The following NFIA variants were observed in gnomAD, a reference collection of about 807,000 sequenced individuals.
NFIA encodes the protein nuclear factor 1 A-type.
A neutral mutation model predicts 62.8 loss-of-function variants in NFIA; 8 were observed. The ratio of observed to expected loss-of-function variants is 0.13; its 90% CI spans 0.07 to 0.23. The LOEUF is 0.23. Among genes scored for constraint, NFIA ranks in the 10% least tolerant of loss-of-function variants. NFIA has a pLI of 1.00. For missense variants in NFIA, 410 were observed against 642.1 expected (o/e 0.64, Z 3.91); for synonymous variants, 235 against 238.1 (o/e 0.99, Z 0.12).
intron 10 of NFIA, among the ~76,000 whole-genome samples, chr1:61,443,790 C>T (rs1667690797): frequency 6.6e-6 from 1 of 152,110 alleles, no homozygotes; most frequent in Admixed American, 6.5e-5. Context: ...TCCATTTCTG[C>T]CCATGAAGAT....
At position 61,368,238 on chromosome 1, in the gene NFIA, A is replaced by G. The variant is rs187309222; in HGVS notation, c.946+8964A>G. ...GAGATGCAGTGTATACATTAGGTTT[A>G]TATGTGAAATCCTCCTCCCTGTGCC... is the stretch of plus-strand genomic sequence containing the variant. On this transcript the variant is annotated intron_variant, in intron 6 of 10. Transcript: ENST00000403491. Among the ~76,000 whole-genome samples the G allele has an allele frequency of 2.0e-5, 3 of 152,314 alleles. No homozygotes were observed. The East Asian group carries it at 5.8e-4, about 29-fold the overall frequency.
upstream of NFIA, among the ~76,000 whole-genome samples, chr1:61,079,229 A>C (rs562166589): frequency 1.4e-4 from 21 of 152,234 alleles, no homozygotes; most frequent in Non-Finnish European, 2.2e-4. Context: ...ATGCCAGTTA[A>C]TAAAGTTAGT....
At chr1:61,217,520 G>A (rs1055610042) in intron 2 of NFIA, among the ~76,000 whole-genome samples, 1 of 152,140 alleles carries the variant, frequency 6.6e-6, no homozygotes. Context: ...TGTGCTTCCA[G>A]AGCTGCTCAG....
intron 2 of NFIA, among the ~76,000 whole-genome samples, chr1:61,225,299 G>A (rs1288095536): frequency 1.3e-5 from 2 of 151,396 alleles, no homozygotes; most frequent in Non-Finnish European, 2.9e-5. Flanking sequence ...TTGCCAGGCT[G>A]GAGTGCAGTG....
intron 2 of NFIA, among the ~76,000 whole-genome samples, chr1:61,148,329 C>G (rs1648155996): frequency 6.6e-6 from 1 of 152,180 alleles, no homozygotes; most frequent in Admixed American, 6.5e-5. Flanking sequence ...ACTCCACATT[C>G]TTTCCGGCCT....
At chr1:61,180,578 T>C (rs1451776596) in intron 2 of NFIA, among the ~76,000 whole-genome samples, 1 of 152,190 alleles carries the variant, frequency 6.6e-6, no homozygotes, top group Admixed American at 6.5e-5. Context: ...AATATATTGA[T>C]GATAAGAATG....
intron 7 of NFIA, among the ~76,000 whole-genome samples, chr1:61,403,236 A>G (rs576871509): frequency 1.8e-4 from 27 of 152,318 alleles, no homozygotes; most frequent in African/African-American, 6.3e-4. Context: ...CAACCTTCCC[A>G]TGCACTGCTC....
chr1:61,462,152 C>T lies in NFIA; in HGVS notation c.*6832C>T, dbSNP rs1424395262. The T allele has an allele frequency of 6.6e-6, 1 of 150,454 alleles. No homozygotes were observed. The highest frequency in any genetic ancestry group is 1.5e-5 in the Non-Finnish European group (1 of 67,786). 9.3% of individuals were successfully genotyped at this position (150,454 alleles called of 1,614,324 possible). On this transcript the variant is annotated 3_prime_UTR_variant, in exon 11 of 11. Transcript: ENST00000403491. Reference sequence around the variant, plus strand: ...GAGAGAACTAACGGCTCGGTGCCTTCTCCCTGGTCTCAGACCATCGTCTCT... The same window carrying T: ...GAGAGAACTAACGGCTCGGTGCCTTTTCCCTGGTCTCAGACCATCGTCTCT...
At chr1:61,424,477 G>A (rs1666777074) in intron 9 of NFIA, among the ~76,000 whole-genome samples, 1 of 152,066 alleles carries the variant, frequency 6.6e-6, no homozygotes, top group Admixed American at 6.5e-5. Flanking sequence ...AGTGCACACT[G>A]TTCTATCAGG....
intron 1 of NFIA, among the ~76,000 whole-genome samples, chr1:61,083,725 C>T (rs1346246679): frequency 6.6e-6 from 1 of 151,394 alleles, no homozygotes; most frequent in East Asian, 1.9e-4. Flanking sequence ...AGCCGGGAGC[C>T]GGAGCGGCGG....
chr1:61,214,019 G>C (rs1165173817), intron 2 of NFIA, among the ~76,000 whole-genome samples: 3 of 152,196 alleles, frequency 2.0e-5, no homozygotes, highest in African/African-American at 7.2e-5. Context: ...AGTTTCGTCG[G>C]AAGTATAGGA....
intron 3 of NFIA, among the ~76,000 whole-genome samples, chr1:61,321,172 G>GAT (rs1244257733): frequency 1.1e-3 from 163 of 152,144 alleles, no homozygotes; most frequent in African/African-American, 3.7e-3. Flanking sequence ...AATTACAGAA[G>GAT]ACCTTAGCTT....
At chr1:61,406,955 A>G (rs1290619484) in intron 9 of NFIA, among the ~76,000 whole-genome samples, 1 of 152,154 alleles carries the variant, frequency 6.6e-6, no homozygotes, top group Non-Finnish European at 1.5e-5. Flanking sequence ...GTAGCTACAT[A>G]CCTAGGACTG....
intron 7 of NFIA, among the ~76,000 whole-genome samples, chr1:61,402,033 C>CTTTTT (rs10636290): frequency 0.015 from 1,398 of 94,536 alleles, 87 homozygotes; most frequent in Middle Eastern, 0.017. Context: ...ACTCATTTTT[C>CTTTTT]TTTTTTTTTT....
At chr1:61,407,076 C>T (rs1189755155) in intron 9 of NFIA, among the ~76,000 whole-genome samples, 3 of 152,226 alleles carry the variant, frequency 2.0e-5, no homozygotes, top group Non-Finnish European at 4.4e-5. Flanking sequence ...AAAAGTTCCT[C>T]ATTCTTACAG....
intron 5 of NFIA, among the ~76,000 whole-genome samples, chr1:61,358,841 T>C (rs2100442805): frequency 1.8e-5 from 1 of 56,616 alleles, no homozygotes; most frequent in East Asian, 2.2e-3. Context: ...CTCCCAACAC[T>C]TCCAGGTGGA....
At chr1:61,286,808 G>A (rs1021602921) in intron 3 of NFIA, among the ~76,000 whole-genome samples, 1 of 152,206 alleles carries the variant, frequency 6.6e-6, no homozygotes. Flanking sequence ...ATAAAGGGTG[G>A]TAAAGGAAGG....
chr1:61,360,266 G>A (rs1663215424), intron 6 of NFIA, among the ~76,000 whole-genome samples: 1 of 152,120 alleles, frequency 6.6e-6, no homozygotes, highest in African/African-American at 2.4e-5. Context: ...TCTAACACGT[G>A]GTTTAGAGGG....
intron 2 of NFIA, among the ~76,000 whole-genome samples, chr1:61,205,724 C>T (rs547291122): frequency 3.8e-4 from 58 of 152,134 alleles, no homozygotes; most frequent in South Asian, 2.3e-3. Flanking sequence ...GGTTATCCAA[C>T]GAGACAGGAC....
Sources: allele counts gnomAD v4.1 joint callset (sites outside exome capture counted in the v4.1 genomes callset), GRCh38; gene constraint gnomAD v4.1.1; transcripts MANE v1.5; gene names NCBI Gene and HGNC (gene_info 2026-07-23, HGNC 2026-07-21).